Variants in SLIT3 observed in about 807,000 individuals in gnomAD.
SLIT3 encodes the protein slit guidance ligand 3, also known as slit homolog 3 protein.
SLIT3 carries 68 observed loss-of-function variants against 184.0 expected under a neutral mutation model. That is an observed-to-expected ratio of 0.37 (90% CI 0.30 to 0.45). The LOEUF (loss-of-function observed/expected upper bound fraction) is 0.45. Ranked by LOEUF, SLIT3 falls within the 20% of genes least tolerant of loss-of-function variation. The pLI, the probability that SLIT3 is intolerant of heterozygous loss-of-function variation, is 1.00. For synonymous variants in SLIT3, 831 were observed against 828.6 expected (o/e 1.00, Z -0.05); for missense variants, 1,707 against 2,026.0 (o/e 0.84, Z 3.02).
chr5:168,736,313 T>C (rs1225892256), intron 20 of SLIT3, among the ~76,000 whole-genome samples: 1 of 152,170 alleles, frequency 6.6e-6, no homozygotes, highest in Non-Finnish European at 1.5e-5. Context: ...ACTGGTGCCA[T>C]CTGCTGAGGT....
intron 8 of SLIT3, among the ~76,000 whole-genome samples, chr5:168,808,741 C>G (rs1423113498): frequency 1.3e-5 from 2 of 152,206 alleles, no homozygotes; most frequent in East Asian, 3.9e-4. Context: ...TGCTCCACCT[C>G]TCTTTGCAGA....
intron 4 of SLIT3, among the ~76,000 whole-genome samples, chr5:169,138,924 G>A (rs80085035): frequency 0.052 from 7,971 of 152,320 alleles, 701 homozygotes; most frequent in African/African-American, 0.18. Context: ...CTAAGAGGTT[G>A]CTCATGACTG....
chr5:169,010,453 C>T (rs1756101512), intron 4 of SLIT3, among the ~76,000 whole-genome samples: 1 of 152,100 alleles, frequency 6.6e-6, no homozygotes, highest in Admixed American at 6.5e-5. Context: ...TTACAGGATG[C>T]CCTGTACTGG....
At chr5:168,783,945 C>T (rs919642187) in intron 12 of SLIT3, among the ~76,000 whole-genome samples, 1 of 152,302 alleles carries the variant, frequency 6.6e-6, no homozygotes, top group East Asian at 1.9e-4. Flanking sequence ...GCCTTCGCGA[C>T]CCATGCAAAG....
chr5:169,200,101 T>C lies in SLIT3; in HGVS notation c.342-6551A>G, dbSNP rs572842684. Among the ~76,000 whole-genome samples the C allele has an allele frequency of 3.9e-5, 6 of 152,306 alleles. No homozygotes were observed. The South Asian group carries it at 1.2e-3, about 32-fold the overall frequency. On this transcript the variant is annotated intron_variant, in intron 3 of 35. Transcript: ENST00000519560. ...CTTAGAGACTCAGCTTTCAGAGGTATCAACCTCACTGACAAGCAAGGTGAG... is the reference window on the plus strand; with the variant it reads ...CTTAGAGACTCAGCTTTCAGAGGTACCAACCTCACTGACAAGCAAGGTGAG...
At chr5:168,767,044 C>T (rs1348259033) in intron 14 of SLIT3, among the ~76,000 whole-genome samples, 1 of 152,198 alleles carries the variant, frequency 6.6e-6, no homozygotes, top group East Asian at 1.9e-4. Context: ...AGTTAGCTAA[C>T]CTCTCTGAGC....
chr5:169,054,348 A>G (rs80235738), intron 4 of SLIT3, among the ~76,000 whole-genome samples: 2,739 of 152,008 alleles, frequency 0.018, 70 homozygotes, highest in African/African-American at 0.061. Flanking sequence ...CCTTCCCTAG[A>G]GGCTTTGGAG....
chr5:168,956,560 C>T (rs905016494), intron 4 of SLIT3, among the ~76,000 whole-genome samples: 1 of 152,132 alleles, frequency 6.6e-6, no homozygotes, highest in Non-Finnish European at 1.5e-5. Context: ...CATTGGGAGG[C>T]CAAGGCGGGC....
chr5:169,014,569 G>A (rs1756291078), intron 4 of SLIT3, among the ~76,000 whole-genome samples: 1 of 152,208 alleles, frequency 6.6e-6, no homozygotes, highest in Non-Finnish European at 1.5e-5. Context: ...CTCTGAGCTG[G>A]AAAACAGTGC....
intron 4 of SLIT3, among the ~76,000 whole-genome samples, chr5:168,913,741 C>CAAA (rs67241643): frequency 0.027 from 3,466 of 130,686 alleles, 167 homozygotes; most frequent in African/African-American, 0.092. Flanking sequence ...AACTCCGTCT[C>CAAA]AAAAAAAAAA....
intron 4 of SLIT3, among the ~76,000 whole-genome samples, chr5:168,931,694 G>T (rs976092102): frequency 6.6e-6 from 1 of 152,208 alleles, no homozygotes; most frequent in Non-Finnish European, 1.5e-5. Context: ...AGCTTTCATA[G>T]CTCTGTCCCT....
chr5:169,249,890 G>C (rs193047331), intron 2 of SLIT3, among the ~76,000 whole-genome samples: 3 of 152,342 alleles, frequency 2.0e-5, no homozygotes, highest in African/African-American at 7.2e-5. Flanking sequence ...AGAACATGTC[G>C]GTGTGGAGAG....
At chr5:169,209,841 T>C (rs974795807) in intron 3 of SLIT3, among the ~76,000 whole-genome samples, 4 of 152,020 alleles carry the variant, frequency 2.6e-5, no homozygotes, top group African/African-American at 4.8e-5. Context: ...AAATACCCAA[T>C]GTAGAAGATG....
Position 169,300,240 on chromosome 5 carries a change from C to G in SLIT3, c.197+273G>C, listed in dbSNP as rs1394571141. Among the ~76,000 whole-genome samples, 1 of 152,232 alleles carries G rather than the reference C, an allele frequency of 6.6e-6. No individual in the cohort carries two copies. Among genetic ancestry groups the G allele is most frequent in the East Asian group, 1.9e-4 (1 of 5,194 alleles). The stretch of plus-strand genomic sequence containing the variant: ...CTCCCCTCGCCTCTCCTCAGCTACT[C>G]CTTGGAAGCTGTCAGCGGGCCCTGC... On this transcript the variant is annotated intron_variant, in intron 1 of 35. Coordinates refer to ENST00000519560, the MANE Select transcript of SLIT3 (RefSeq NM_003062.4). This position sits in a 1 kb window ranked among gnomAD's most constrained non-coding sequence, Gnocchi z 4.1.
intron 6 of SLIT3, among the ~76,000 whole-genome samples, chr5:168,830,898 G>A (rs1757860353): frequency 1.3e-5 from 2 of 152,194 alleles, no homozygotes; most frequent in Admixed American, 1.3e-4. Context: ...AATCACATGA[G>A]TTTGTGAGGG....
At chr5:169,182,305 T>G (rs746840484) in intron 4 of SLIT3, among the ~76,000 whole-genome samples, 1 of 152,226 alleles carries the variant, frequency 6.6e-6, no homozygotes, top group African/African-American at 2.4e-5. Flanking sequence ...GACTTAAACG[T>G]CTCCATTTCT....
At chr5:168,828,658 C>CAAAAAAAAAAAAAAAAAAAAAAAAA (rs56974958) in intron 6 of SLIT3, among the ~76,000 whole-genome samples, 16 of 97,102 alleles carry the variant, frequency 1.6e-4, no homozygotes, top group East Asian at 3.0e-4. Flanking sequence ...GATCCTGACT[C>CAAAAAAAAAAAAAAAAAAAAAAAAA]AAAAAAAAAA....
At chr5:169,191,979 T>C (rs1763566398) in intron 4 of SLIT3, among the ~76,000 whole-genome samples, 1 of 152,202 alleles carries the variant, frequency 6.6e-6, no homozygotes, top group South Asian at 2.1e-4. Context: ...TACTCTGCTG[T>C]AGTACTTAGT....
intron 25 of SLIT3, among the ~76,000 whole-genome samples, chr5:168,709,023 T>G (rs1762464219): frequency 6.6e-6 from 1 of 151,900 alleles, no homozygotes; most frequent in African/African-American, 2.4e-5. Flanking sequence ...CTTTCAGTGC[T>G]AAAACCAAGA....
Sources: gnomAD v4.1 joint callset for allele counts (sites outside exome capture counted in the v4.1 genomes callset) on GRCh38, gnomAD v4.1.1 for gene constraint, Gnocchi (gnomAD v3.1) non-coding constraint, MANE v1.5 for transcripts, NCBI Gene and HGNC (gene_info 2026-07-23, HGNC 2026-07-21) for gene names.